SGMS1: variants seen among roughly 807,000 people sequenced by gnomAD.
SGMS1 encodes sphingomyelin synthase 1.
Under a neutral mutation model 46.2 loss-of-function variants are expected in SGMS1, and 13 were observed. The observed-to-expected ratio is 0.28, with a 90% CI of 0.18 to 0.45. The LOEUF (loss-of-function observed/expected upper bound fraction) is 0.45, where lower values mean the gene tolerates loss of function less well. Ranked by LOEUF, SGMS1 falls within the 20% of genes least tolerant of loss-of-function variation. The pLI, the probability that SGMS1 is intolerant of heterozygous loss-of-function variation, is 1.00. For synonymous variants in SGMS1, 203 were observed against 187.8 expected (o/e 1.08, Z -0.66); for missense variants, 324 against 519.9 (o/e 0.62, Z 3.66).
intron 2 of SGMS1, among the ~76,000 whole-genome samples, chr10:50,533,720 T>C (rs979907466): frequency 1.3e-5 from 2 of 151,954 alleles, no homozygotes; most frequent in East Asian, 1.9e-4. Flanking sequence ...AGAGAACATA[T>C]ATAAATCTAT....
At chr10:50,486,465 C>T (rs1837522150) in intron 3 of SGMS1, among the ~76,000 whole-genome samples, 1 of 151,778 alleles carries the variant, frequency 6.6e-6, no homozygotes, top group Admixed American at 6.6e-5. Context: ...AACAAATTCA[C>T]AAGAAAAAAC....
chr10:50,360,908 AAAAAGCCAGATG>A (rs1848236848), intron 6 of SGMS1, among the ~76,000 whole-genome samples: 2 of 152,242 alleles, frequency 1.3e-5, no homozygotes, highest in African/African-American at 4.8e-5. Flanking sequence ...TTAAAACTGT[AAAAAGCCAGATG>A]GCTTAGGAAA....
At chr10:50,407,362 A>G (rs1849029387) in intron 6 of SGMS1, among the ~76,000 whole-genome samples, 1 of 152,220 alleles carries the variant, frequency 6.6e-6, no homozygotes, top group Admixed American at 6.5e-5. Flanking sequence ...AAAATGATGA[A>G]GTACTACATT....
chr10:50,458,949 T>C (rs1227970345), intron 5 of SGMS1, among the ~76,000 whole-genome samples: 2 of 152,220 alleles, frequency 1.3e-5, no homozygotes, highest in African/African-American at 2.4e-5. Flanking sequence ...TTCCTGGCTA[T>C]ACACATTGAA....
intron 6 of SGMS1, among the ~76,000 whole-genome samples, chr10:50,408,553 C>T (rs971955185): frequency 5.9e-5 from 9 of 151,634 alleles, no homozygotes; most frequent in Admixed American, 3.9e-4. Context: ...TGTGGTGGCA[C>T]GCACCTGTAG....
chr10:50,546,463 G>T (rs566373579), intron 2 of SGMS1, among the ~76,000 whole-genome samples: 6 of 152,226 alleles, frequency 3.9e-5, no homozygotes, highest in African/African-American at 1.4e-4. Flanking sequence ...CAAAGACTTG[G>T]AATCAATCCA....
At chr10:50,312,028 T>A (rs1358780860) in intron 8 of SGMS1, among the ~76,000 whole-genome samples, 2 of 152,238 alleles carry the variant, frequency 1.3e-5, no homozygotes, top group Non-Finnish European at 2.9e-5. Context: ...AAGTCTGGGC[T>A]GGACACCGGA....
At chr10:50,402,201 C>T (rs1848950690) in intron 6 of SGMS1, among the ~76,000 whole-genome samples, 1 of 152,202 alleles carries the variant, frequency 6.6e-6, no homozygotes, top group Non-Finnish European at 1.5e-5. Context: ...ATCATGATCA[C>T]TCAAAACAAC....
At chr10:50,486,524 A>C (rs1285268118) in intron 3 of SGMS1, among the ~76,000 whole-genome samples, 2 of 152,248 alleles carry the variant, frequency 1.3e-5, no homozygotes, top group African/African-American at 4.8e-5. Flanking sequence ...AACACTTCTC[A>C]AAAGAAGATA....
At chr10:50,611,744 T>A (rs1205452792) in intron 1 of SGMS1, among the ~76,000 whole-genome samples, 3 of 152,140 alleles carry the variant, frequency 2.0e-5, no homozygotes, top group Non-Finnish European at 4.4e-5. Flanking sequence ...TCTCCAGTCA[T>A]CCTCCACCTG....
intron 6 of SGMS1, among the ~76,000 whole-genome samples, chr10:50,367,196 C>A (rs1304091508): frequency 6.6e-6 from 1 of 152,092 alleles, no homozygotes. Context: ...AAAAAGTCTA[C>A]CAAAGTATGC....
intron 6 of SGMS1, among the ~76,000 whole-genome samples, chr10:50,412,338 C>T (rs1849112549): frequency 6.6e-6 from 1 of 152,166 alleles, no homozygotes; most frequent in Admixed American, 6.5e-5. Context: ...CATTGCTGGA[C>T]CTCTTATTGC....
At chr10:50,577,427 A>G (rs1420741907) in intron 2 of SGMS1, among the ~76,000 whole-genome samples, 1 of 152,200 alleles carries the variant, frequency 6.6e-6, no homozygotes, top group Admixed American at 6.5e-5. Context: ...GAAAGGCAGG[A>G]GTAGCTAATT....
At chr10:50,347,820 C>T (rs1281427540) in intron 6 of SGMS1, among the ~76,000 whole-genome samples, 8 of 152,162 alleles carry the variant, frequency 5.3e-5, no homozygotes, top group Non-Finnish European at 4.4e-5. Context: ...GGAAGAGTCA[C>T]ATAATCTCCT....
chr10:50,485,665 C>T (rs1397575504), intron 3 of SGMS1, among the ~76,000 whole-genome samples: 1 of 152,082 alleles, frequency 6.6e-6, no homozygotes, highest in Non-Finnish European at 1.5e-5. Context: ...TTTGGGAGGC[C>T]AAGGCAGGTG....
intron 3 of SGMS1, among the ~76,000 whole-genome samples, chr10:50,492,087 C>T (rs182758524): frequency 4.3e-4 from 65 of 152,234 alleles, no homozygotes; most frequent in African/African-American, 1.3e-3. Flanking sequence ...TCTCAATAGA[C>T]GCAGAAAAGG....
At chr10:50,588,199 C>A (rs1838505238) in intron 2 of SGMS1, among the ~76,000 whole-genome samples, 1 of 152,192 alleles carries the variant, frequency 6.6e-6, no homozygotes, top group Admixed American at 6.5e-5. Context: ...TTTTGAAGAA[C>A]CTTTACTGCT....
At chr10:50,395,779 C>T (rs192689799) in intron 6 of SGMS1, among the ~76,000 whole-genome samples, 12 of 152,074 alleles carry the variant, frequency 7.9e-5, no homozygotes, top group East Asian at 1.9e-4. Context: ...TTTGATGTTC[C>T]GGCATCACTT....
intron 6 of SGMS1, among the ~76,000 whole-genome samples, chr10:50,356,818 C>T (rs1848157762): frequency 6.6e-6 from 1 of 151,488 alleles, no homozygotes; most frequent in African/African-American, 2.4e-5. Flanking sequence ...GTCACAAGGA[C>T]AAAAAACCAA....
Sources: allele counts gnomAD v4.1 joint callset (sites outside exome capture counted in the v4.1 genomes callset), GRCh38; gene constraint gnomAD v4.1.1; transcripts MANE v1.5; gene names NCBI Gene and HGNC (gene_info 2026-07-23, HGNC 2026-07-21).